The following C4orf50 variants were observed in gnomAD, a reference collection of about 807,000 sequenced individuals.
C4orf50 encodes uncharacterized protein C4orf50.
Under a neutral mutation model 77.2 loss-of-function variants are expected in C4orf50, and 80 were observed. That is an observed-to-expected ratio of 1.04 (90% CI 0.87 to 1.25). The LOEUF is 1.25. Ranked by LOEUF, C4orf50 falls within the 50% of genes most tolerant of loss-of-function variation. The probability of loss-of-function intolerance (pLI) is 0.00; values close to 1 mark genes in which losing one functional copy is unlikely to be tolerated. For synonymous variants in C4orf50, 532 were observed against 465.3 expected, an observed-to-expected ratio of 1.14 and a Z score of -1.84; for missense variants, 1,257 against 1,152.9, an observed-to-expected ratio of 1.09 and a Z score of -1.31.
intron 7 of C4orf50, among the ~76,000 whole-genome samples, chr4:5,920,948 G>C (rs745517261): frequency 6.8e-6 from 1 of 147,366 alleles, no homozygotes; most frequent in Admixed American, 6.9e-5. Context: ...GCCTCGGGTT[G>C]TACGATGCTT....
chr4:5,979,141 C>A (rs894485083), intron 29 of C4orf50, among the ~76,000 whole-genome samples: 4 of 152,104 alleles, frequency 2.6e-5, no homozygotes, highest in Non-Finnish European at 5.9e-5. Context: ...GGGTTACTTG[C>A]CATTACCTAT....
In C4orf50 at chr4:5,989,897, G is replaced by T. The variant is rs1343744332; in HGVS notation, c.2149C>A (p.Gln717Lys). 6 of 1,433,246 alleles carry T rather than the reference G, an allele frequency of 4.2e-6. No homozygotes were observed. In the East Asian group the frequency reaches 1.0e-4, roughly 24 times the overall value. The allele number at this position is 1,433,246 out of a possible 1,614,324, so 88.8% of individuals were successfully genotyped here. ...CCTTTGTCCTCCAGGCTTCCTCCTT[G>T]CAGAAGCAGAGCATTTCCAAGCCAC... is the stretch of plus-strand genomic sequence containing the variant. Residue 717 changes from glutamine (Q) to lysine (K), a missense_variant, in exon 28 of 34, where the codon CAA (glutamine) becomes AAA (lysine). Transcript: ENST00000531445.
chr4:5,994,560 C>T (rs570982135), intron 25 of C4orf50, 84 bp from the exon 4 acceptor site: 1 of 398,424 alleles, frequency 2.5e-6, no homozygotes, highest in Admixed American at 4.4e-5. Flanking sequence ...GGCCCCTCCC[C>T]AGAAGGGAGC....
chr4:5,926,146 G>A (rs1229693768), intron 7 of C4orf50, among the ~76,000 whole-genome samples: 1 of 152,148 alleles, frequency 6.6e-6, no homozygotes, highest in African/African-American at 2.4e-5. Context: ...TTAATCTGGT[G>A]ACCTAAACAC....
chr4:5,926,340 G>A (rs1260578378), intron 7 of C4orf50, among the ~76,000 whole-genome samples: 1 of 152,150 alleles, frequency 6.6e-6, no homozygotes, highest in Non-Finnish European at 1.5e-5. Context: ...CAGACACGAA[G>A]GCCACGTGGT....
intron 31 of C4orf50, among the ~76,000 whole-genome samples, chr4:5,971,675 A>G (rs1198119697): frequency 1.3e-5 from 2 of 152,246 alleles, no homozygotes; most frequent in African/African-American, 4.8e-5. Flanking sequence ...GATTTTCCAG[A>G]TAACTCAACT....
Position 6,017,367 on chromosome 4 carries a change from T to C in C4orf50, c.287+778A>G, listed in dbSNP as rs1722719959. Among the ~76,000 whole-genome samples, 1 of 152,200 alleles carries C rather than the reference T, an allele frequency of 6.6e-6. No individual in the cohort carries two copies. The highest frequency in any genetic ancestry group is 2.4e-5 in the African/African-American group (1 of 41,440). On this transcript the variant is annotated intron_variant, in intron 23 of 33. Transcript: ENST00000531445. This position sits in a 1 kb window ranked among gnomAD's most constrained non-coding sequence, Gnocchi z 4.7. ...GACCGCAGAGGAAGCCGAGAGCACA[T>C]CTGAGTTACAGCCACAGTGGGAGAT...
intron 28 of C4orf50, among the ~76,000 whole-genome samples, chr4:5,986,721 T>G (rs1304540653): frequency 1.3e-5 from 2 of 152,002 alleles, no homozygotes; most frequent in East Asian, 3.9e-4. Context: ...GTATTTTTAG[T>G]AGAGATGGGG....
chr4:5,950,057 C>T (rs868211774), intron 7 of C4orf50, among the ~76,000 whole-genome samples: 7 of 150,136 alleles, frequency 4.7e-5, no homozygotes, highest in Admixed American at 6.6e-5. Flanking sequence ...CAAAAGTTGG[C>T]GCAAAAAATT....
At chr4:6,005,831 C>A (rs1193876759) in intron 25 of C4orf50, among the ~76,000 whole-genome samples, 1 of 152,104 alleles carries the variant, frequency 6.6e-6, no homozygotes, top group Non-Finnish European at 1.5e-5. Flanking sequence ...TACACAGCAG[C>A]CTGCAGTGCA....
intron 23 of C4orf50, among the ~76,000 whole-genome samples, chr4:6,012,601 A>T (rs1722533797): frequency 6.6e-6 from 1 of 152,164 alleles, no homozygotes; most frequent in Admixed American, 6.5e-5. Flanking sequence ...TTAACTGTCT[A>T]TTAGGAATGG....
chr4:5,968,376 G>C (rs1206541780), intron 31 of C4orf50, among the ~76,000 whole-genome samples: 2 of 152,180 alleles, frequency 1.3e-5, no homozygotes, highest in African/African-American at 4.8e-5. Flanking sequence ...ACTGGTGGAG[G>C]GCTTAATACT....
chr4:5,961,221 G>A (rs970738673), intron 33 of C4orf50, among the ~76,000 whole-genome samples: 6 of 152,204 alleles, frequency 3.9e-5, no homozygotes, highest in Admixed American at 6.5e-5. Flanking sequence ...AGGCTGAGGC[G>A]GGAGAATCGC....
chr4:5,964,767 CAAAAAA>C (rs71171498), intron 33 of C4orf50, among the ~76,000 whole-genome samples: 2,164 of 107,966 alleles, frequency 0.02, 72 homozygotes, highest in African/African-American at 0.075. Flanking sequence ...GACTCTGTCT[CAAAAAA>C]AAAAAAAAAA....
intron 26 of C4orf50, among the ~76,000 whole-genome samples, chr4:5,993,997 C>T (rs113514372): frequency 2.6e-5 from 4 of 152,114 alleles, no homozygotes; most frequent in Non-Finnish European, 5.9e-5. Flanking sequence ...GGGGACAGGA[C>T]GGCTCCTGGC....
At chr4:6,001,591 C>T (rs566595902) in intron 25 of C4orf50, among the ~76,000 whole-genome samples, 4 of 152,236 alleles carry the variant, frequency 2.6e-5, no homozygotes, top group South Asian at 2.1e-4. Flanking sequence ...ATCTGCTTGC[C>T]GCCTCACAGG....
chr4:5,989,139 C>T, exon 28 of C4orf50: 2 of 1,535,696 alleles, frequency 1.3e-6, no homozygotes, highest in South Asian at 2.4e-5. Context: ...ATATTTTTGT[C>T]ACCTCTCTCT....
chr4:5,907,661 T>C (rs1443619576), intron 7 of C4orf50, among the ~76,000 whole-genome samples: 2 of 152,082 alleles, frequency 1.3e-5, no homozygotes, highest in Non-Finnish European at 2.9e-5. Flanking sequence ...AAGAGGCATA[T>C]GGGGGCTGGG....
intron 7 of C4orf50, among the ~76,000 whole-genome samples, chr4:5,949,115 C>G (rs189052682): frequency 1.3e-5 from 2 of 152,138 alleles, no homozygotes; most frequent in Non-Finnish European, 2.9e-5. Context: ...CAAGGACAGA[C>G]AGCAGAGGGG....
Sources: allele counts gnomAD v4.1 joint callset (sites outside exome capture counted in the v4.1 genomes callset), GRCh38; gene constraint gnomAD v4.1.1; non-coding constraint Gnocchi (gnomAD v3.1); transcripts MANE v1.5; gene names NCBI Gene and HGNC (gene_info 2026-07-23, HGNC 2026-07-21).